CEP250: variants seen among roughly 807,000 people sequenced by gnomAD.
CEP250 encodes the protein centrosome-associated protein CEP250.
In CEP250, 242 loss-of-function variants were observed where a neutral mutation model predicts 315.7. The observed-to-expected ratio is 0.77, with a 90% CI of 0.69 to 0.85. The LOEUF (loss-of-function observed/expected upper bound fraction) is 0.85, where lower values mean the gene tolerates loss of function less well. CEP250 is among the 40% of genes least tolerant of loss of function. The pLI, the probability that CEP250 is intolerant of heterozygous loss-of-function variation, is 0.00. For missense variants in CEP250, 2,515 were observed against 2,886.4 expected (o/e 0.87, Z 2.95); for synonymous variants, 1,088 against 1,175.0 (o/e 0.93, Z 1.51).
chr20:35,503,910 G>A lies in CEP250; in HGVS notation c.5541G>A (p.Leu1847=), dbSNP rs748640289. Residue 1847 remains leucine, a synonymous_variant, in exon 30 of 35, where the codon CTG becomes CTA. Coordinates refer to ENST00000397527, the MANE Select transcript of CEP250 (RefSeq NM_007186.6). The surrounding 1 kb of genome is among the most constrained non-coding windows in gnomAD (Gnocchi z 4.2). The part of the protein sequence containing the change: ...KEKADALQGA[L]EQAHMTLKER... ...AGGCAGACGCCCTCCAGGGAGCTCT[G>A]GAGCAAGCCCATATGACACTGAAGG... is the stretch of plus-strand genomic sequence containing the variant. 6.2e-7 allele frequency: 1 copy of A among 1,613,890 alleles called. No homozygotes were observed. Among genetic ancestry groups the A allele is most frequent in the South Asian group, 1.1e-5 (1 of 91,070 alleles).
chr20:35,510,674 A>T (rs1389417782), intron 34 of CEP250, among the ~76,000 whole-genome samples: 1 of 152,216 alleles, frequency 6.6e-6, no homozygotes, highest in African/African-American at 2.4e-5. Flanking sequence ...TTTGAATTCT[A>T]TTAAACTCAG....
rs1311012864 is a variant in CEP250 at position 35,491,389 on chromosome 20, A to G, written c.2889+43A>G. 2.6e-6 allele frequency: 4 copies of G among 1,557,666 alleles called. No homozygotes were observed. In the Admixed American group the frequency reaches 5.8e-5, roughly 23 times the overall value. ...GGGAGTAGGGGAGAAAGGGGCACTC[A>G]TTTACCCATTCGACCATGAAGGGTT... On this transcript the variant is annotated intron_variant, in intron 22 of 34. Coordinates refer to ENST00000397527, the MANE Select transcript of CEP250 (RefSeq NM_007186.6).
intron 22 of CEP250, among the ~76,000 whole-genome samples, chr20:35,492,076 G>A (rs2063714251): frequency 6.6e-6 from 1 of 152,114 alleles, no homozygotes; most frequent in Non-Finnish European, 1.5e-5. Context: ...ATACAACTGA[G>A]AGTGAGTCAA....
chr20:35,498,049 G>A lies in CEP250; in HGVS notation c.3637G>A (p.Val1213Ile), dbSNP rs781181484. ...TGGTGGGGGAGACTCTGCTCCTTCC[G>A]TCTGGGGCCTTGAGCCAGGTGAGAC... ...LSGGGDSAPS[V>I]WGLEPDQNGA... is the part of the protein sequence containing the mutation. Residue 1213 changes from valine to isoleucine, a missense_variant, in exon 26 of 35, where the codon GTC (valine) becomes ATC (isoleucine). By Grantham distance (29) the Val-to-Ile change is conservative. Transcript: ENST00000397527. 4.1e-5 allele frequency: 64 copies of A among 1,578,814 alleles called. No homozygotes were observed. The highest frequency in any genetic ancestry group is 5.6e-5 in the South Asian group (5 of 88,954).
intron 13 of CEP250, 82 bp downstream of exon 13, chr20:35,473,634 A>ATGGGAGTG: frequency 7.1e-7 from 1 of 1,403,572 alleles, no homozygotes; most frequent in Non-Finnish European, 9.6e-7. Flanking sequence ...CACTCCCATC[A>ATGGGAGTG]GGTTTTTGGG....
rs1328584248 is a variant in CEP250 at position 35,455,611 on chromosome 20, A to G, written c.-438A>G. The G allele has an allele frequency of 6.7e-6, 1 of 150,064 alleles. No homozygotes were observed. The highest frequency in any genetic ancestry group is 1.5e-5 in the Non-Finnish European group (1 of 67,700). 9.3% of individuals were successfully genotyped at this position (150,064 alleles called of 1,614,324 possible). On this transcript the variant is annotated 5_prime_UTR_variant, in exon 1 of 35. Transcript: ENST00000397527. ...ATCCGAAAGCCCAGTCCCACCCGCC[A>G]CCCGACTCTGGAGCTCCCATTCTTC...
chr20:35,508,589 A>C (rs2064263356), intron 32 of CEP250, among the ~76,000 whole-genome samples: 1 of 152,202 alleles, frequency 6.6e-6, no homozygotes, highest in Non-Finnish European at 1.5e-5. Context: ...CTGGGATTAC[A>C]GGTGTGAGCC....
At chr20:35,507,303 G>A (rs913779446) in intron 30 of CEP250, among the ~76,000 whole-genome samples, 2 of 152,162 alleles carry the variant, frequency 1.3e-5, no homozygotes, top group African/African-American at 2.4e-5. Context: ...GCATGTAGTC[G>A]TTTTATAAAT....
intron 26 of CEP250, 79 bp downstream of exon 26, chr20:35,498,146 T>C: frequency 9.4e-7 from 1 of 1,061,618 alleles, no homozygotes; most frequent in Non-Finnish European, 1.3e-6. Context: ...AGGAATGCTA[T>C]TTGTTAGACC....
At chr20:35,477,183 T>C (rs984938720) in intron 16 of CEP250, among the ~76,000 whole-genome samples, 3 of 152,060 alleles carry the variant, frequency 2.0e-5, no homozygotes, top group African/African-American at 7.2e-5. Context: ...GCTAATTTTG[T>C]ATTTTTAATA....
intron 3 of CEP250, among the ~76,000 whole-genome samples, chr20:35,461,131 T>A (rs1432876999): frequency 6.6e-6 from 1 of 152,244 alleles, no homozygotes. Flanking sequence ...CTACTGTATG[T>A]GCAAATGTTA....
At chr20:35,463,732 G>A (rs1025682884) in intron 5 of CEP250, 101 bp downstream of exon 5, 3 of 880,992 alleles carry the variant, frequency 3.4e-6, no homozygotes, top group African/African-American at 1.7e-5. Context: ...CAAGTGAGGT[G>A]TTTGGTGGAA....
rs772516342 is a variant in CEP250 at position 35,469,896 on chromosome 20, C to T, written c.858C>T (p.Thr286=). ...GCTATGCTCTTCTCTTTAGGGTGAC[C>T]GAGCTCTCTGCTCTGTTGACCCAGT... ...LEKAELQDRV[T]ELSALLTQSQ... is the part of the protein sequence containing the mutation. Residue 286 remains threonine (T), a synonymous_variant, in exon 10 of 35, where the codon ACC becomes ACT. Transcript: ENST00000397527. The T allele has an allele frequency of 1.9e-5, 30 of 1,610,796 alleles. No homozygotes were observed. Among genetic ancestry groups the T allele is most frequent in the East Asian group, 6.7e-5 (3 of 44,882 alleles).
At position 35,496,631 on chromosome 20, in the gene CEP250, T is replaced by C; in HGVS notation, c.3222T>C (p.Ala1074=). 1 of 1,614,152 alleles carries C rather than the reference T, an allele frequency of 6.2e-7. No homozygotes were observed. Among genetic ancestry groups the C allele is most frequent in the East Asian group, 2.2e-5 (1 of 44,880 alleles). The change falls in exon 25 of 35, where the codon GCT becomes GCC. Residue 1074 remains alanine (A), a synonymous_variant. Coordinates refer to ENST00000397527, the MANE Select transcript of CEP250 (RefSeq NM_007186.6). ...KEQRLLVLQE[A]DSIRQQELSA... ...AGAGACTCCTTGTTTTACAAGAAGC[T>C]GACTCTATTCGACAACAAGAGCTGA...
rs117559769 is a variant in CEP250, at chr20:35,516,872, G to A, written c.*5246G>A. 6.2e-5 allele frequency: 30 copies of A among 480,142 alleles called. No homozygotes were observed. In the East Asian group the frequency reaches 4.3e-3, roughly 69 times the overall value. 29.7% of individuals were successfully genotyped at this position (480,142 alleles called of 1,614,324 possible). ...AGGGGTACATCCAGAAGCAATGGCA[G>A]GTGTTATCCATTCATTCAGGTTAGA... On this transcript the variant is annotated 3_prime_UTR_variant, in exon 35 of 35. Coordinates refer to ENST00000397527, the MANE Select transcript of CEP250 (RefSeq NM_007186.6).
chr20:35,456,551 TTCTA>T (rs1167807604), intron 1 of CEP250, among the ~76,000 whole-genome samples: 5 of 152,248 alleles, frequency 3.3e-5, no homozygotes, highest in Admixed American at 6.5e-5. Context: ...CCTTTAGTTC[TTCTA>T]TCTTTCTTTG....
Position 35,467,365 on chromosome 20 carries a change from C to T in CEP250, c.661C>T (p.Leu221=). The part of the protein sequence containing the change: ...RLSGSLLTCC[L]RLTVGAQSRE... ...TTCAGGGTCTCTGTTGACCTGTTGT[C>T]TGCGCTTGACTGTGGGAGCACAGTC... The change falls in exon 9 of 35, where the codon CTG becomes TTG. Residue 221 remains leucine (L), a synonymous_variant. Transcript: ENST00000397527. The T allele has an allele frequency of 1.2e-6, 2 of 1,614,158 alleles. No individual in the cohort carries two copies. The highest frequency in any genetic ancestry group is 1.1e-5 in the South Asian group (1 of 91,074).
chr20:35,473,302 C>A (rs2063071302), intron 12 of CEP250, 72 bp from the exon 13 acceptor site: 2 of 1,392,056 alleles, frequency 1.4e-6, no homozygotes, highest in Non-Finnish European at 2.0e-6. Flanking sequence ...TTCTCCAGCC[C>A]CACTTTCGGG....
chr20:35,512,419 A>G lies in CEP250; in HGVS notation c.*793A>G, dbSNP rs190699726. On this transcript the variant is annotated 3_prime_UTR_variant, in exon 35 of 35. Transcript: ENST00000397527. ...AGAAGTTCTGGGGCCTCAAAAACAC[A>G]GCGTTGACCTTTAGCTAAAGTCAGA... The G allele has an allele frequency of 4.6e-5, 7 of 152,296 alleles. No homozygotes were observed. The East Asian group carries it at 1.3e-3, about 29-fold the overall frequency. 9.4% of individuals were successfully genotyped at this position (152,296 alleles called of 1,614,324 possible).
Sources: allele counts gnomAD v4.1 joint callset (sites outside exome capture counted in the v4.1 genomes callset), GRCh38; gene constraint gnomAD v4.1.1; non-coding constraint Gnocchi (gnomAD v3.1); transcripts MANE v1.5; gene names NCBI Gene and HGNC (gene_info 2026-07-23, HGNC 2026-07-21).